The following OXR1 variants were observed in gnomAD, a reference collection of about 807,000 sequenced individuals.
The protein encoded by OXR1 is oxidation resistance 1, also known as oxidation resistance protein 1.
A neutral mutation model predicts 104.6 loss-of-function variants in OXR1; 41 were observed. That is an observed-to-expected ratio of 0.39 (90% CI 0.31 to 0.51). The LOEUF (loss-of-function observed/expected upper bound fraction) is 0.51, where lower values mean the gene tolerates loss of function less well. OXR1 is among the 20% of genes least tolerant of loss of function. OXR1 has a pLI of 0.77. For missense variants in OXR1, 955 were observed against 1,031.9 expected, an observed-to-expected ratio of 0.93 and a Z score of 1.02; for synonymous variants, 348 against 348.4, an observed-to-expected ratio of 1.00 and a Z score of 0.01.
At chr8:106,413,684 G>A (rs1818552603) in intron 2 of OXR1, among the ~76,000 whole-genome samples, 1 of 151,324 alleles carries the variant, frequency 6.6e-6, no homozygotes, top group African/African-American at 2.4e-5. Context: ...CCTATTGTAA[G>A]TAAAGAAATA....
chr8:106,703,824 A>G (rs1414421273), intron 8 of OXR1, among the ~76,000 whole-genome samples: 2 of 152,182 alleles, frequency 1.3e-5, no homozygotes, highest in Admixed American at 6.5e-5. Flanking sequence ...CAAGGAAGGA[A>G]ATTGATATGT....
At chr8:106,699,560 G>A (rs187528964) in intron 7 of OXR1, among the ~76,000 whole-genome samples, 138 of 152,310 alleles carry the variant, frequency 9.1e-4, no homozygotes, top group African/African-American at 3.0e-3. Flanking sequence ...TTTGGTGTGT[G>A]TATGCATGTG....
At chr8:106,382,537 C>T (rs1018711756) in intron 2 of OXR1, among the ~76,000 whole-genome samples, 2 of 151,956 alleles carry the variant, frequency 1.3e-5, no homozygotes, top group East Asian at 1.9e-4. Flanking sequence ...AGCATTTTTG[C>T]GCTTGTTAGG....
intron 7 of OXR1, chr8:106,697,305 C>T: frequency 1.2e-6 from 1 of 802,116 alleles, no homozygotes; most frequent in Non-Finnish European, 2.0e-6. Context: ...CTGAACCCCT[C>T]ACCCTGACAG....
intron 3 of OXR1, among the ~76,000 whole-genome samples, chr8:106,677,590 G>A (rs528231312): frequency 2.0e-5 from 3 of 152,174 alleles, no homozygotes; most frequent in Non-Finnish European, 4.4e-5. Context: ...CTAATTATGA[G>A]TGAGATTGAA....
chr8:106,537,475 G>C (rs1445972645), intron 3 of OXR1, among the ~76,000 whole-genome samples: 1 of 152,078 alleles, frequency 6.6e-6, no homozygotes, highest in African/African-American at 2.4e-5. Flanking sequence ...CAGAACAAAG[G>C]AAAGTCTGAG....
chr8:106,578,977 C>T, intron 3 of OXR1, among the ~76,000 whole-genome samples: 1 of 83,620 alleles, frequency 1.2e-5, no homozygotes, highest in South Asian at 3.6e-4. Flanking sequence ...GGTAACCTCA[C>T]TTTTTCTTTC....
At chr8:106,343,301 A>T (rs1815332382) in intron 1 of OXR1, among the ~76,000 whole-genome samples, 1 of 152,196 alleles carries the variant, frequency 6.6e-6, no homozygotes, top group African/African-American at 2.4e-5. Flanking sequence ...TTTATTATAT[A>T]ATACTTTGTC....
At chr8:106,475,812 T>G (rs922815419) in intron 2 of OXR1, among the ~76,000 whole-genome samples, 5 of 152,010 alleles carry the variant, frequency 3.3e-5, no homozygotes, top group African/African-American at 1.2e-4. Context: ...TGTCTTCTGT[T>G]AATTCCTGTC....
rs760899670 is a variant in OXR1, at chr8:106,713,978, A to C, written c.1949A>C (p.Glu650Ala). 1 of 1,570,132 alleles carries C rather than the reference A, an allele frequency of 6.4e-7. No individual in the cohort carries two copies. The highest frequency in any genetic ancestry group is 2.4e-5 in the East Asian group (1 of 41,988). ...TCTAGTAATCAAGCAGCAGCCAGAG[A>C]ATGGGAGGTAAGGAGAAAAATATGA... is the stretch of plus-strand genomic sequence containing the variant. ...EDSSNQAAAR[E>A]WEVVSVAEYH... Residue 650 changes from glutamate (E) to alanine (A), a missense_variant, in exon 11 of 17, where the codon GAA becomes GCA. Transcript: ENST00000517566.
At chr8:106,600,343 C>A (rs1315310406) in intron 3 of OXR1, among the ~76,000 whole-genome samples, 2 of 152,200 alleles carry the variant, frequency 1.3e-5, no homozygotes, top group African/African-American at 2.4e-5. Flanking sequence ...CTCCAGTTTT[C>A]TCCCCTTACA....
chr8:106,326,746 G>A lies in OXR1; in HGVS notation c.-138-32730G>A, dbSNP rs747046133. Among the ~76,000 whole-genome samples, 4 of 152,270 alleles carry A rather than the reference G, an allele frequency of 2.6e-5. 1 individual carries two copies. Among genetic ancestry groups the A allele is most frequent in the Middle Eastern group, 6.8e-3 (2 of 294 alleles). ...CATGCCTGGAACATTTGAGGAACAC[G>A]AAGGAGGCCAGTTTGATTGGTGCAC... On this transcript the variant is annotated intron_variant, in intron 1 of 16. Coordinates refer to ENST00000517566, the MANE Select transcript of OXR1 (RefSeq NM_001198533.2).
At chr8:106,571,168 T>C (rs893221225) in intron 3 of OXR1, among the ~76,000 whole-genome samples, 3 of 152,038 alleles carry the variant, frequency 2.0e-5, no homozygotes, top group African/African-American at 7.2e-5. Context: ...CATTGGGTTT[T>C]ACATTAGTTA....
At chr8:106,455,375 C>T (rs1164028317) in intron 2 of OXR1, among the ~76,000 whole-genome samples, 10 of 152,054 alleles carry the variant, frequency 6.6e-5, no homozygotes, top group Non-Finnish European at 1.0e-4. Flanking sequence ...TCCCAGAGAC[C>T]GGAACCTAAA....
chr8:106,593,721 T>A (rs187605983), intron 3 of OXR1, among the ~76,000 whole-genome samples: 5 of 152,162 alleles, frequency 3.3e-5, no homozygotes, highest in African/African-American at 9.7e-5. Context: ...TCTTGCAGTG[T>A]GCAGAAATCG....
At chr8:106,311,128 A>G (rs1813682084) in intron 1 of OXR1, among the ~76,000 whole-genome samples, 1 of 151,476 alleles carries the variant, frequency 6.6e-6, no homozygotes, top group Non-Finnish European at 1.5e-5. Context: ...TTATTTTTCT[A>G]CTTTGTGAGT....
intron 3 of OXR1, chr8:106,520,435 C>G (rs1054954611): frequency 1.3e-5 from 2 of 152,200 alleles, no homozygotes; most frequent in South Asian, 4.1e-4. Context: ...AGAAATGCCT[C>G]CATGTAGGTT....
chr8:106,297,907 A>C (rs931890043), intron 1 of OXR1, among the ~76,000 whole-genome samples: 2 of 152,242 alleles, frequency 1.3e-5, no homozygotes, highest in African/African-American at 4.8e-5. Flanking sequence ...TATGGAGCAA[A>C]TGTTTAACAT....
intron 11 of OXR1, among the ~76,000 whole-genome samples, chr8:106,728,745 A>G (rs1247977268): frequency 6.6e-6 from 1 of 152,168 alleles, no homozygotes; most frequent in Non-Finnish European, 1.5e-5. Context: ...CTACCTTGTT[A>G]GTGTCTGTCA....
Sources: allele counts gnomAD v4.1 joint callset (sites outside exome capture counted in the v4.1 genomes callset), GRCh38; gene constraint gnomAD v4.1.1; transcripts MANE v1.5; gene names NCBI Gene and HGNC (gene_info 2026-07-23, HGNC 2026-07-21).